MVD: variants seen among roughly 807,000 people sequenced by gnomAD.
The protein encoded by MVD is mevalonate diphosphate decarboxylase.
Under a neutral mutation model 42.4 loss-of-function variants are expected in MVD, and 52 were observed. The observed-to-expected ratio is 1.23, with a 90% confidence interval of 0.98 to 1.55. The LOEUF (loss-of-function observed/expected upper bound fraction) is 1.55, where lower values mean the gene tolerates loss of function less well. MVD is among the 40% of genes most tolerant of loss of function. The pLI, the probability that MVD is intolerant of heterozygous loss-of-function variation, is 0.00. For missense variants in MVD, 663 were observed against 572.1 expected, an observed-to-expected ratio of 1.16 and a Z score of -1.62; for synonymous variants, 287 against 243.2, an observed-to-expected ratio of 1.18 and a Z score of -1.68.
At chr16:88,654,650 C>T in intron 8 of MVD, 42 bp downstream of exon 8, 1 of 1,567,750 alleles carries the variant, frequency 6.4e-7, no homozygotes. Context: ...GAGTTCCTGG[C>T]ACCATCTCCC....
At chr16:88,657,655 G>C (rs946120739) in intron 3 of MVD, 73 bp from the exon 4 acceptor site, 30 of 1,573,364 alleles carry the variant, frequency 1.9e-5, no homozygotes, top group Non-Finnish European at 2.5e-5. Context: ...CCACCTGCCC[G>C]GGGTCACAGC....
rs1305178474 is a variant in MVD at position 88,655,241 on chromosome 16, G to A, written c.855C>T (p.Ile285=). The A allele has an allele frequency of 1.3e-6, 2 of 1,583,098 alleles. No homozygotes were observed. Among genetic ancestry groups the A allele is most frequent in the Non-Finnish European group, 1.7e-6 (2 of 1,164,818 alleles). Residue 285 remains isoleucine, a synonymous_variant, in exon 7 of 10, where the codon ATC becomes ATT. Coordinates refer to ENST00000301012, the MANE Select transcript of MVD (RefSeq NM_002461.3). Reference sequence around the variant, plus strand: ...GGGCGTTGAAGCGGTGCACCAGGTGGATGATGCGCCAGGAGATGGCATTGA... The same window carrying A: ...GGGCGTTGAAGCGGTGCACCAGGTGAATGATGCGCCAGGAGATGGCATTGA... ...SYLNAISWRI[I]HLVHRFNAHH...
Position 88,655,714 on chromosome 16 carries a change from T to C in MVD, c.620A>G (p.Lys207Arg). The C allele has an allele frequency of 6.4e-7, 1 of 1,559,166 alleles. No individual in the cohort carries two copies. Among genetic ancestry groups the C allele is most frequent in the Non-Finnish European group, 8.7e-7 (1 of 1,151,650 alleles). Residue 207 changes from lysine to arginine, a missense_variant, in exon 6 of 10, where the codon AAG (lysine) becomes AGG (arginine). By Grantham distance (26) the Lys-to-Arg change is conservative. Coordinates refer to ENST00000301012, the MANE Select transcript of MVD (RefSeq NM_002461.3). The part of the protein sequence containing the change: ...VLILVVSAEK[K>R]LTGSTVGMRA... ...CATGCCCACGGTACTGCCTGTCAGC[T>C]TCTTCTCAGCGCTCACCTGCACGAG... is the stretch of plus-strand genomic sequence containing the variant.
chr16:88,656,102 C>T lies in MVD; in HGVS notation c.603+3G>A, dbSNP rs1359464922. The T allele has an allele frequency of 1.9e-6, 3 of 1,587,360 alleles. No individual in the cohort carries two copies. Among genetic ancestry groups the T allele is most frequent in the Non-Finnish European group, 2.6e-6 (3 of 1,169,530 alleles). On this transcript the variant is annotated splice_donor_region_variant and intron_variant, in intron 5 of 9. Coordinates refer to ENST00000301012, the MANE Select transcript of MVD (RefSeq NM_002461.3). ...GCTGCTCCACCCGCCCCACCCCACTCACCACAAGGATGAGCACGCGGAGTT... is the reference window on the plus strand; with the variant it reads ...GCTGCTCCACCCGCCCCACCCCACTTACCACAAGGATGAGCACGCGGAGTT...
intron 8 of MVD, chr16:88,653,626 T>A: frequency 1.9e-6 from 1 of 527,866 alleles, no homozygotes; most frequent in South Asian, 2.3e-5. Flanking sequence ...ACCCTGTGAA[T>A]GTCCTCAACA....
At position 88,653,423 on chromosome 16, in the gene MVD, C is replaced by G; in HGVS notation, c.1014-15G>C. The G allele has an allele frequency of 8.8e-6, 14 of 1,598,504 alleles. No homozygotes were observed. Among genetic ancestry groups the G allele is most frequent in the Non-Finnish European group, 1.2e-5 (14 of 1,172,914 alleles). On this transcript the variant is annotated splice_polypyrimidine_tract_variant and intron_variant, in intron 8 of 9. Transcript: ENST00000301012. The stretch of plus-strand genomic sequence containing the variant: ...CCTTCAGAAACCTGGAAAAGCAGGG[C>G]AGGGGCACGGTGAATGCATCCGTTT...
At chr16:88,658,895 C>T in intron 1 of MVD, 175 bp from the exon 2 acceptor site, 1 of 620,016 alleles carries the variant, frequency 1.6e-6, no homozygotes, top group Non-Finnish European at 2.9e-6. Context: ...GAACTGCTCC[C>T]ACCCCACTGA....
intron 8 of MVD, 31 bp from the exon 9 acceptor site, chr16:88,653,439 G>A (rs747984621): frequency 6.4e-6 from 10 of 1,558,890 alleles, no homozygotes; most frequent in Non-Finnish European, 8.7e-6. Context: ...CACGGTGAAT[G>A]CATCCGTTTC....
chr16:88,659,004 C>T (rs1234410350), intron 1 of MVD: 3 of 444,160 alleles, frequency 6.8e-6, no homozygotes, highest in East Asian at 4.5e-5. Flanking sequence ...TGCCCAGGTG[C>T]GGATCGCTCC....
chr16:88,654,551 G>A (rs759133346), intron 8 of MVD, 141 bp downstream of exon 8: 31 of 763,650 alleles, frequency 4.1e-5, no homozygotes, highest in African/African-American at 2.8e-4. Context: ...CACCCTGCCC[G>A]TGGCTCCCAC....
Position 88,652,373 on chromosome 16 carries a change from C to G in MVD, c.*152G>C. 2 of 821,636 alleles carry G rather than the reference C, an allele frequency of 2.4e-6. No individual in the cohort carries two copies. Among genetic ancestry groups the G allele is most frequent in the Non-Finnish European group, 4.0e-6 (2 of 499,526 alleles). The allele number at this position is 821,636 out of a possible 1,614,324, so 50.9% of individuals were successfully genotyped here. On this transcript the variant is annotated 3_prime_UTR_variant, in exon 10 of 10. Transcript: ENST00000301012. ...TCCTGACACCTGGGCGGCCGCAGGA[C>G]TCCCTGCACTGCCCCACAGCAAGCT...
In MVD at chr16:88,655,967, C is replaced by A. The variant is rs1351514160; in HGVS notation, c.603+138G>T. ...AGCGGTTCCTGAGCACTCAACCACG[C>A]TTCTGTTCCTTCAGCCCCCGCTGAC... On this transcript the variant is annotated intron_variant, in intron 5 of 9. Transcript: ENST00000301012. 3.1e-6 allele frequency: 4 copies of A among 1,273,556 alleles called. No homozygotes were observed. In the African/African-American group the frequency reaches 6.0e-5, roughly 19 times the overall value. 78.9% of individuals were successfully genotyped at this position (1,273,556 alleles called of 1,614,324 possible).
intron 5 of MVD, 94 bp from the exon 6 acceptor site, chr16:88,655,824 A>C: frequency 6.3e-6 from 9 of 1,431,532 alleles, no homozygotes; most frequent in Non-Finnish European, 8.5e-6. Flanking sequence ...CAGCCAATGC[A>C]GGCAGCGGGG....
In MVD at chr16:88,662,608, T is replaced by C. The variant is rs143938983; in HGVS notation, c.70+403A>G. On this transcript the variant is annotated intron_variant, in intron 1 of 9. Coordinates refer to ENST00000301012, the MANE Select transcript of MVD (RefSeq NM_002461.3). ...CGGGCTGGGGGAGCAGTGGCGCGAT[T>C]TCCGCTCACTGCAGCCTCGACCTCC... The C allele has an allele frequency of 6.3e-4, 665 of 1,061,826 alleles. 1 individual carries two copies. The highest frequency in any genetic ancestry group is 3.9e-3 in the East Asian group (44 of 11,372). The allele number at this position is 1,061,826 out of a possible 1,614,324, so 65.8% of individuals were successfully genotyped here. A position where few individuals can be genotyped will look rare whatever the true frequency, so the allele number is the denominator to read the frequency against.
chr16:88,655,812 C>A, intron 5 of MVD, 82 bp from the exon 6 acceptor site: 1 of 1,481,624 alleles, frequency 6.7e-7, no homozygotes, highest in Non-Finnish European at 9.1e-7. Flanking sequence ...TCGGCCCTCC[C>A]TCAGCCAATG....
At chr16:88,654,048 TCAA>T (rs1768541447) in intron 8 of MVD, among the ~76,000 whole-genome samples, 1 of 151,524 alleles carries the variant, frequency 6.6e-6, no homozygotes, top group South Asian at 2.1e-4. Flanking sequence ...AGGGAAGAAA[TCAA>T]CAGCCCCGGG....
At chr16:88,661,526 G>C (rs1314999485) in intron 1 of MVD, among the ~76,000 whole-genome samples, 2 of 151,914 alleles carry the variant, frequency 1.3e-5, no homozygotes, top group Non-Finnish European at 1.5e-5. Context: ...GCCCAGCCTA[G>C]AATGTGTAAT....
chr16:88,658,688 T>C lies in MVD; in HGVS notation c.103A>G (p.Ile35Val). ...AGAGTGACGCTCAGGGAGGAGTTGA[T>C]GGGCAGAACCAGCTCTTCATCGCGC... ...GKRDEELVLP[I>V]NSSLSVTLHQ... The change falls in exon 2 of 10, where the codon ATC becomes GTC. Residue 35 changes from isoleucine (I) to valine (V), a missense_variant. Transcript: ENST00000301012. The C allele has an allele frequency of 6.2e-7, 1 of 1,613,642 alleles. No individual in the cohort carries two copies. The highest frequency in any genetic ancestry group is 1.6e-4 in the Middle Eastern group (1 of 6,062).
rs1302210719 is a variant in MVD, at chr16:88,658,012, T to C, written c.159A>G (p.Thr53=). Reference sequence around the variant, plus strand: ...CGGTGAAGTCCTTGCTGATGACGGCTGTTGTGGTGGTTTTTAACTGAAAAG... The same window carrying C: ...CGGTGAAGTCCTTGCTGATGACGGCCGTTGTGGTGGTTTTTAACTGAAAAG... ...LHQDQLKTTT[T]AVISKDFTED... The change falls in exon 3 of 10, where the codon ACA becomes ACG. Residue 53 remains threonine (T), a synonymous_variant. Coordinates refer to ENST00000301012, the MANE Select transcript of MVD (RefSeq NM_002461.3). 4 of 1,613,998 alleles carry C rather than the reference T, an allele frequency of 2.5e-6. No individual in the cohort carries two copies. The highest frequency in any genetic ancestry group is 2.2e-5 in the South Asian group (2 of 91,090).
Sources: allele counts gnomAD v4.1 joint callset (sites outside exome capture counted in the v4.1 genomes callset), GRCh38; gene constraint gnomAD v4.1.1; transcripts MANE v1.5; gene names NCBI Gene and HGNC (gene_info 2026-07-23, HGNC 2026-07-21).